The following GSK3B variants were observed in gnomAD, a reference collection of about 807,000 sequenced individuals.
The protein encoded by GSK3B is glycogen synthase kinase 3 beta.
GSK3B carries 15 observed loss-of-function variants against 56.4 expected under a neutral mutation model. That is an observed-to-expected ratio of 0.27 (90% CI 0.18 to 0.41). GSK3B has a LOEUF of 0.41. Among genes scored for constraint, GSK3B ranks in the 10% least tolerant of loss-of-function variants. The pLI is 1.00. For synonymous variants in GSK3B, 181 were observed against 188.9 expected, an observed-to-expected ratio of 0.96 and a Z score of 0.34; for missense variants, 300 against 513.4, an observed-to-expected ratio of 0.58 and a Z score of 4.02.
chr3:119,908,737 G>A (rs1391457259), intron 6 of GSK3B, among the ~76,000 whole-genome samples: 3 of 152,134 alleles, frequency 2.0e-5, no homozygotes, highest in Non-Finnish European at 4.4e-5. Context: ...TGTACTCTTT[G>A]CACCTGGGTC....
At chr3:119,901,068 T>C (rs1190042550) in intron 7 of GSK3B, among the ~76,000 whole-genome samples, 1 of 152,180 alleles carries the variant, frequency 6.6e-6, no homozygotes, top group Non-Finnish European at 1.5e-5. Context: ...AAAGCTCCAC[T>C]GCTATGGCCA....
At chr3:120,001,692 T>C (rs1420985555) in intron 2 of GSK3B, among the ~76,000 whole-genome samples, 1 of 152,206 alleles carries the variant, frequency 6.6e-6, no homozygotes, top group Admixed American at 6.5e-5. Context: ...ATACATAAAA[T>C]GCTTATATGC....
intron 2 of GSK3B, among the ~76,000 whole-genome samples, chr3:119,987,273 C>CAGAG (rs1424592860): frequency 1.3e-4 from 20 of 152,204 alleles, no homozygotes; most frequent in African/African-American, 4.8e-4. Flanking sequence ...ACATGTATAC[C>CAGAG]TATGTATCAA....
intron 1 of GSK3B, among the ~76,000 whole-genome samples, chr3:120,055,115 T>G (rs909002009): frequency 1.3e-5 from 2 of 152,208 alleles, no homozygotes; most frequent in Non-Finnish European, 2.9e-5. Flanking sequence ...TATTCTTAAT[T>G]GTTTGTGGCT....
chr3:119,918,041 G>C (rs2056799020), intron 4 of GSK3B, among the ~76,000 whole-genome samples: 1 of 152,044 alleles, frequency 6.6e-6, no homozygotes, highest in Non-Finnish European at 1.5e-5. Flanking sequence ...CTGAGGCCCA[G>C]AGAGATTAAG....
intron 1 of GSK3B, among the ~76,000 whole-genome samples, chr3:120,034,665 A>C (rs1360610639): frequency 6.6e-6 from 1 of 152,102 alleles, no homozygotes; most frequent in African/African-American, 2.4e-5. Flanking sequence ...TTTATTTTTC[A>C]ATTTTTGAGG....
chr3:120,055,805 T>C (rs1429879675), intron 1 of GSK3B, among the ~76,000 whole-genome samples: 1 of 152,062 alleles, frequency 6.6e-6, no homozygotes, highest in Non-Finnish European at 1.5e-5. Context: ...TTGGAGAGGG[T>C]AGGCAGGAGA....
intron 1 of GSK3B, among the ~76,000 whole-genome samples, chr3:120,064,065 A>C (rs2107555974): frequency 6.6e-6 from 1 of 152,190 alleles, no homozygotes; most frequent in Admixed American, 6.5e-5. Flanking sequence ...AATTGCAAAG[A>C]ATTATTAAAT....
At chr3:120,087,895 G>A (rs760378402) in intron 1 of GSK3B, among the ~76,000 whole-genome samples, 6 of 151,712 alleles carry the variant, frequency 4.0e-5, no homozygotes, top group Non-Finnish European at 8.8e-5. Context: ...ATTGTCTTTT[G>A]TTTTGTTTTT....
intron 6 of GSK3B, among the ~76,000 whole-genome samples, chr3:119,911,872 G>C (rs1257465520): frequency 6.6e-6 from 1 of 152,218 alleles, no homozygotes; most frequent in African/African-American, 2.4e-5. Context: ...TTTGGCTCAA[G>C]TGAATGTTGT....
intron 3 of GSK3B, among the ~76,000 whole-genome samples, chr3:119,927,129 A>G (rs9873477): frequency 0.53 from 81,039 of 152,162 alleles, 24,851 homozygotes; most frequent in African/African-American, 0.86. Context: ...ATTAAGTGTA[A>G]GGGCAATGGG....
chr3:119,947,587 T>C (rs1418245816), intron 2 of GSK3B, among the ~76,000 whole-genome samples: 1 of 152,202 alleles, frequency 6.6e-6, no homozygotes, highest in Non-Finnish European at 1.5e-5. Context: ...TTAGAGCTTT[T>C]ATAACAATGA....
At chr3:119,960,209 C>T (rs1576230454) in intron 2 of GSK3B, among the ~76,000 whole-genome samples, 1 of 146,142 alleles carries the variant, frequency 6.8e-6, no homozygotes, top group African/African-American at 2.5e-5. Flanking sequence ...GATATGATTC[C>T]ATTTTTATAA....
At chr3:119,944,000 G>C (rs1255950888) in intron 3 of GSK3B, among the ~76,000 whole-genome samples, 1 of 151,836 alleles carries the variant, frequency 6.6e-6, no homozygotes, top group Non-Finnish European at 1.5e-5. Flanking sequence ...TAGAGAAAGA[G>C]ACTGATAGAA....
At chr3:119,953,456 CACAA>C (rs144238265) in intron 2 of GSK3B, among the ~76,000 whole-genome samples, 12,941 of 152,090 alleles carry the variant, frequency 0.085, 675 homozygotes, top group Non-Finnish European at 0.11. Context: ...GATTCAAAGA[CACAA>C]ACAACTTAAA....
chr3:120,047,841 TGAA>T (rs1470237717), intron 1 of GSK3B, among the ~76,000 whole-genome samples: 2 of 152,212 alleles, frequency 1.3e-5, no homozygotes, highest in Admixed American at 1.3e-4. Flanking sequence ...GGAATAATGA[TGAA>T]GATGTTCTGT....
intron 3 of GSK3B, among the ~76,000 whole-genome samples, chr3:119,945,856 TAACAAC>T (rs761653694): frequency 6.6e-6 from 1 of 151,950 alleles, no homozygotes; most frequent in South Asian, 2.1e-4. Context: ...ATGTATCTAG[TAACAAC>T]AACAACAACA....
chr3:119,974,152 T>G (rs1267892955), intron 2 of GSK3B, among the ~76,000 whole-genome samples: 1 of 152,204 alleles, frequency 6.6e-6, no homozygotes, highest in East Asian at 1.9e-4. Context: ...GAGGAAGACA[T>G]GAATGAAAAG....
At chr3:120,039,165 T>C (rs1367747460) in intron 1 of GSK3B, among the ~76,000 whole-genome samples, 1 of 152,236 alleles carries the variant, frequency 6.6e-6, no homozygotes, top group Non-Finnish European at 1.5e-5. Context: ...TGGAACAGAA[T>C]GGCTAAAATC....
Sources: gnomAD v4.1 joint callset for allele counts (sites outside exome capture counted in the v4.1 genomes callset) on GRCh38, gnomAD v4.1.1 for gene constraint, MANE v1.5 for transcripts, NCBI Gene and HGNC (gene_info 2026-07-23, HGNC 2026-07-21) for gene names.